ENOX1: variants seen among roughly 807,000 people sequenced by gnomAD.
The protein encoded by ENOX1 is ecto-NOX disulfide-thiol exchanger 1.
A neutral mutation model predicts 82.5 loss-of-function variants in ENOX1; 42 were observed. The ratio of observed to expected loss-of-function variants is 0.51; its 90% CI spans 0.40 to 0.66. ENOX1 has a LOEUF of 0.66. Ranked by LOEUF, ENOX1 falls within the 30% of genes least tolerant of loss-of-function variation. ENOX1 has a pLI of 0.00. For synonymous variants in ENOX1, 271 were observed against 282.2 expected (o/e 0.96, Z 0.40); for missense variants, 608 against 811.6 (o/e 0.75, Z 3.05).
chr13:43,331,711 T>C (rs75963510), intron 9 of ENOX1, among the ~76,000 whole-genome samples: 1 of 152,154 alleles, frequency 6.6e-6, no homozygotes, highest in Non-Finnish European at 1.5e-5. Context: ...GGCTTTAGAC[T>C]GAAGAATTAT....
At chr13:43,499,948 A>T (rs1214723529) in intron 2 of ENOX1, among the ~76,000 whole-genome samples, 1 of 152,008 alleles carries the variant, frequency 6.6e-6, no homozygotes, top group East Asian at 1.9e-4. Flanking sequence ...CTGAACTAAA[A>T]AATTAAACGG....
intron 2 of ENOX1, among the ~76,000 whole-genome samples, chr13:43,586,865 C>A (rs1043869370): frequency 6.6e-6 from 1 of 151,220 alleles, no homozygotes; most frequent in Admixed American, 6.6e-5. Context: ...GAGATCGAGA[C>A]CCTCCTGGAC....
At chr13:43,578,677 C>T (rs1457161185) in intron 2 of ENOX1, among the ~76,000 whole-genome samples, 1 of 152,056 alleles carries the variant, frequency 6.6e-6, no homozygotes, top group African/African-American at 2.4e-5. Context: ...CTTACATTTG[C>T]CTCCTCTCTC....
Position 43,460,222 on chromosome 13 carries a change from C to T in ENOX1, c.-75+23787G>A, listed in dbSNP as rs542419225. 2.0e-5 allele frequency among the ~76,000 whole-genome samples: 3 copies of T among 152,262 alleles called. No individual in the cohort carries two copies. In the East Asian group the frequency reaches 5.8e-4, roughly 29 times the overall value. On this transcript the variant is annotated intron_variant, in intron 3 of 16. Transcript: ENST00000690772. The stretch of plus-strand genomic sequence containing the variant: ...ATTAATTACATGCCATAATACCCCT[C>T]CTTCATCTTAACTGCAGAAATTCTG...
At chr13:43,703,733 C>T (rs1173644768) in intron 1 of ENOX1, among the ~76,000 whole-genome samples, 1 of 151,876 alleles carries the variant, frequency 6.6e-6, no homozygotes, top group African/African-American at 2.4e-5. Context: ...TAATGTTTGC[C>T]CAAAAAGGAA....
At chr13:43,374,852 T>C (rs1275847390) in intron 5 of ENOX1, among the ~76,000 whole-genome samples, 3 of 152,208 alleles carry the variant, frequency 2.0e-5, no homozygotes, top group Non-Finnish European at 4.4e-5. Context: ...TGGTTTACAC[T>C]ATCCTGCTGG....
intron 2 of ENOX1, among the ~76,000 whole-genome samples, chr13:43,604,409 C>T (rs2081887950): frequency 6.6e-6 from 1 of 152,084 alleles, no homozygotes; most frequent in South Asian, 2.1e-4. Context: ...TTGGATACAG[C>T]AAAAGCAGTA....
intron 3 of ENOX1, among the ~76,000 whole-genome samples, chr13:43,423,971 CAAG>C: frequency 6.6e-6 from 1 of 152,262 alleles, no homozygotes; most frequent in East Asian, 1.9e-4. Flanking sequence ...TGAGACAGAG[CAAG>C]AGAGACAGGA....
At chr13:43,246,493 C>T (rs7985525) in intron 14 of ENOX1, among the ~76,000 whole-genome samples, 119,854 of 152,224 alleles carry the variant, frequency 0.79, 47,595 homozygotes, top group South Asian at 0.86. Flanking sequence ...AAGCCACCCA[C>T]GGGCTGGCTG....
At chr13:43,410,659 TAC>T (rs2054073198) in intron 5 of ENOX1, among the ~76,000 whole-genome samples, 1 of 150,460 alleles carries the variant, frequency 6.6e-6, no homozygotes, top group African/African-American at 2.5e-5. Context: ...CACATATTAC[TAC>T]AGTTAATTTG....
rs183873113 is a variant in ENOX1, at chr13:43,254,143, C to T, written c.1611+11255G>A. Reference sequence around the variant, plus strand: ...CTCTTCTTAATCTCACATATTTTCTCGAGAGGATGGACAAGTCTCATTTGG... The same window carrying T: ...CTCTTCTTAATCTCACATATTTTCTTGAGAGGATGGACAAGTCTCATTTGG... On this transcript the variant is annotated intron_variant, in intron 14 of 16. Transcript: ENST00000690772. Among the ~76,000 whole-genome samples, 85 of 152,196 alleles carry T rather than the reference C, an allele frequency of 5.6e-4. 1 individual carries two copies. Among genetic ancestry groups the T allele is most frequent in the Admixed American group, 4.7e-3 (72 of 15,278 alleles).
intron 3 of ENOX1, among the ~76,000 whole-genome samples, chr13:43,476,314 C>G (rs184054166): frequency 7.9e-5 from 12 of 151,988 alleles, no homozygotes; most frequent in Admixed American, 5.2e-4. Flanking sequence ...AGTGAAGGTA[C>G]CAGACACTAA....
chr13:43,410,582 T>G (rs1749767834), intron 5 of ENOX1, among the ~76,000 whole-genome samples: 1 of 150,570 alleles, frequency 6.6e-6, no homozygotes, highest in East Asian at 1.9e-4. Context: ...AGAAACCATA[T>G]ATATTATATA....
chr13:43,745,392 A>C (rs1047621766), intron 1 of ENOX1, among the ~76,000 whole-genome samples: 14 of 152,246 alleles, frequency 9.2e-5, no homozygotes, highest in African/African-American at 3.1e-4. Context: ...CATATATACA[A>C]AGGCCAAAAA....
At chr13:43,546,019 C>T (rs2078959010) in intron 2 of ENOX1, 1 of 152,108 alleles carries the variant, frequency 6.6e-6, no homozygotes, top group African/African-American at 2.4e-5. Context: ...AATCAGCACT[C>T]GAACAAGTCT....
Position 43,439,535 on chromosome 13 carries a change from A to C in ENOX1, c.-74-26547T>G, listed in dbSNP as rs1014772846. 7.2e-5 allele frequency among the ~76,000 whole-genome samples: 11 copies of C among 152,198 alleles called. No individual in the cohort carries two copies. The East Asian group carries it at 1.9e-3, about 27-fold the overall frequency. On this transcript the variant is annotated intron_variant, in intron 3 of 16. Coordinates refer to ENST00000690772, the MANE Select transcript of ENOX1 (RefSeq NM_001347969.2). ...CTAATCTTAAGGGTCCACAAATGTG[A>C]TGTTATAGTGTTCCTGGCTTCAACT...
chr13:43,767,602 G>T (rs1951354122), intron 1 of ENOX1, among the ~76,000 whole-genome samples: 1 of 152,228 alleles, frequency 6.6e-6, no homozygotes, highest in African/African-American at 2.4e-5. Context: ...TCCCAATAAA[G>T]GTGACTAAGG....
intron 2 of ENOX1, among the ~76,000 whole-genome samples, chr13:43,562,341 A>G (rs1251813966): frequency 6.6e-6 from 1 of 152,150 alleles, no homozygotes; most frequent in Non-Finnish European, 1.5e-5. Context: ...TAAGATATTT[A>G]CAAGCCACAT....
chr13:43,417,982 G>A (rs1047977372), intron 3 of ENOX1, among the ~76,000 whole-genome samples: 3 of 152,114 alleles, frequency 2.0e-5, no homozygotes, highest in Non-Finnish European at 2.9e-5. Context: ...GCCGAGGCGG[G>A]TGGATCATCT....
Sources: gnomAD v4.1 joint callset for allele counts (sites outside exome capture counted in the v4.1 genomes callset) on GRCh38, gnomAD v4.1.1 for gene constraint, MANE v1.5 for transcripts, NCBI Gene and HGNC (gene_info 2026-07-23, HGNC 2026-07-21) for gene names.